Variants in GALNTL6 observed in about 807,000 individuals in gnomAD.
The protein encoded by GALNTL6 is polypeptide N-acetylgalactosaminyltransferase like 6.
In GALNTL6, 46 loss-of-function variants were observed where a neutral mutation model predicts 73.7. That is an observed-to-expected ratio of 0.62 (90% confidence interval 0.49 to 0.80). GALNTL6 has a LOEUF of 0.80. Among genes scored for constraint, GALNTL6 ranks in the 30% least tolerant of loss-of-function variants. GALNTL6 has a pLI of 0.00. For synonymous variants in GALNTL6, 259 were observed against 263.7 expected, an observed-to-expected ratio of 0.98 and a Z score of 0.17; for missense variants, 604 against 755.0, an observed-to-expected ratio of 0.80 and a Z score of 2.34.
intron 5 of GALNTL6, among the ~76,000 whole-genome samples, chr4:172,519,072 ATG>A (rs1345828162): frequency 6.7e-6 from 1 of 150,358 alleles, no homozygotes; most frequent in African/African-American, 2.4e-5. Context: ...TGTTCGAAGA[ATG>A]TATTTTAGAA....
intron 2 of GALNTL6, among the ~76,000 whole-genome samples, chr4:172,073,537 A>T (rs1329463234): frequency 6.6e-6 from 1 of 152,162 alleles, no homozygotes; most frequent in African/African-American, 2.4e-5. Flanking sequence ...TTGCCCATAA[A>T]ACATTCATGG....
intron 5 of GALNTL6, among the ~76,000 whole-genome samples, chr4:172,531,539 C>T (rs948170924): frequency 1.3e-5 from 2 of 152,202 alleles, no homozygotes; most frequent in African/African-American, 4.8e-5. Flanking sequence ...GTCTTCTCTT[C>T]CCACAGTTCA....
At chr4:171,835,849 T>A (rs73867178) in intron 2 of GALNTL6, among the ~76,000 whole-genome samples, 2,814 of 152,086 alleles carry the variant, frequency 0.019, 84 homozygotes, top group African/African-American at 0.065. Context: ...TTCTCATTTT[T>A]AAATAATAAT....
At chr4:171,994,617 A>G (rs1253904040) in intron 2 of GALNTL6, among the ~76,000 whole-genome samples, 1 of 152,066 alleles carries the variant, frequency 6.6e-6, no homozygotes, top group Non-Finnish European at 1.5e-5. Flanking sequence ...ATCACCAGTA[A>G]AGAACGTATC....
intron 4 of GALNTL6, among the ~76,000 whole-genome samples, chr4:172,341,227 G>A (rs1210407457): frequency 5.9e-5 from 9 of 151,638 alleles, no homozygotes; most frequent in Non-Finnish European, 1.3e-4. Context: ...CGAGGCGGGC[G>A]GATCACGAGG....
chr4:172,402,694 CG>C (rs1275062331), intron 5 of GALNTL6, among the ~76,000 whole-genome samples: 1 of 151,900 alleles, frequency 6.6e-6, no homozygotes, highest in East Asian at 1.9e-4. Flanking sequence ...CTCCTTAACA[CG>C]GTAAGACTAC....
chr4:172,988,399 G>A (rs1751390407), intron 10 of GALNTL6, among the ~76,000 whole-genome samples: 1 of 152,170 alleles, frequency 6.6e-6, no homozygotes, highest in South Asian at 2.1e-4. Context: ...GTCTGCCCTG[G>A]CTGCTTCTAA....
intron 5 of GALNTL6, among the ~76,000 whole-genome samples, chr4:172,758,756 A>G (rs1347902313): frequency 6.6e-6 from 1 of 152,184 alleles, no homozygotes; most frequent in Non-Finnish European, 1.5e-5. Context: ...GACATGAATC[A>G]TCCCTTGGTC....
At chr4:172,320,693 G>A (rs1045569758) in intron 4 of GALNTL6, among the ~76,000 whole-genome samples, 4 of 151,780 alleles carry the variant, frequency 2.6e-5, no homozygotes, top group Non-Finnish European at 5.9e-5. Flanking sequence ...ACAGGTTAGT[G>A]TGTAGAACAG....
chr4:172,321,051 T>C (rs1233386975), intron 4 of GALNTL6, among the ~76,000 whole-genome samples: 1 of 152,228 alleles, frequency 6.6e-6, no homozygotes, highest in Non-Finnish European at 1.5e-5. Context: ...AACATAATTT[T>C]TGATACAGTA....
rs556929980 is a variant in GALNTL6 at position 172,091,296 on chromosome 4, G to T, written c.139-138360G>T. Among the ~76,000 whole-genome samples the T allele has an allele frequency of 3.9e-5, 6 of 152,228 alleles. No individual in the cohort carries two copies. In the South Asian group the frequency reaches 1.0e-3, roughly 26 times the overall value. ...GGCTTTGCTGGAACTTGTTCATCAG[G>T]AATTTCAGATTAGACTTTTAAAAGT... On this transcript the variant is annotated intron_variant, in intron 2 of 12. Transcript: ENST00000506823.
Position 172,348,703 on chromosome 4 carries a change from G to T in GALNTL6, c.553+14G>T. 6.4e-7 allele frequency: 1 copy of T among 1,563,960 alleles called. No homozygotes were observed. The highest frequency in any genetic ancestry group is 8.7e-7 in the Non-Finnish European group (1 of 1,145,680). On this transcript the variant is annotated intron_variant, in intron 5 of 12. Transcript: ENST00000506823. ...TCAGTGAGAGAGGTAAGATACAGTTGATAACATTTTATCTGATTCTGCTAC... is the reference window on the plus strand; with the variant it reads ...TCAGTGAGAGAGGTAAGATACAGTTTATAACATTTTATCTGATTCTGCTAC...
intron 2 of GALNTL6, among the ~76,000 whole-genome samples, chr4:172,093,506 C>A (rs929496255): frequency 1.3e-5 from 2 of 152,122 alleles, no homozygotes; most frequent in Non-Finnish European, 2.9e-5. Context: ...CTGGGGTCTT[C>A]AAACCCTGGG....
chr4:172,819,186 G>A (rs1352971687), intron 7 of GALNTL6, among the ~76,000 whole-genome samples: 14 of 152,144 alleles, frequency 9.2e-5, no homozygotes, highest in Non-Finnish European at 1.5e-5. Context: ...ACAGAGAGTT[G>A]TAACACTGTC....
intron 5 of GALNTL6, among the ~76,000 whole-genome samples, chr4:172,529,004 T>TAC (rs1401865956): frequency 2.4e-4 from 11 of 45,794 alleles, no homozygotes; most frequent in Non-Finnish European, 3.7e-4. Context: ...TATATATATA[T>TAC]ATACACACAC....
intron 2 of GALNTL6, among the ~76,000 whole-genome samples, chr4:172,123,158 G>A (rs995308023): frequency 5.9e-5 from 9 of 152,112 alleles, no homozygotes; most frequent in African/African-American, 2.2e-4. Flanking sequence ...AGTAAGGTTT[G>A]GAACCCTTGA....
intron 2 of GALNTL6, among the ~76,000 whole-genome samples, chr4:172,057,613 G>A (rs117377612): frequency 0.064 from 9,579 of 148,810 alleles, 348 homozygotes; most frequent in Non-Finnish European, 0.087. Context: ...AGGTTGAGGC[G>A]GGAAGATCGC....
At chr4:172,063,129 A>G (rs755816777) in intron 2 of GALNTL6, among the ~76,000 whole-genome samples, 2 of 152,214 alleles carry the variant, frequency 1.3e-5, no homozygotes, top group Admixed American at 6.5e-5. Context: ...TATGCATCTT[A>G]GTGCCTTCCA....
At chr4:171,828,119 A>C (rs1466034822) in intron 2 of GALNTL6, among the ~76,000 whole-genome samples, 1 of 152,194 alleles carries the variant, frequency 6.6e-6, no homozygotes, top group Admixed American at 6.6e-5. Flanking sequence ...AATGTAAACA[A>C]ATATAAAGAT....
Sources: allele counts gnomAD v4.1 joint callset (sites outside exome capture counted in the v4.1 genomes callset), GRCh38; gene constraint gnomAD v4.1.1; transcripts MANE v1.5; gene names NCBI Gene and HGNC (gene_info 2026-07-23, HGNC 2026-07-21).